Variants in BRINP1 observed in about 807,000 individuals in gnomAD.
The protein encoded by BRINP1 is BMP/retinoic acid inducible neural specific 1.
A neutral mutation model predicts 72.9 loss-of-function variants in BRINP1; 17 were observed. The observed-to-expected ratio is 0.23, with a 90% confidence interval of 0.16 to 0.35. The LOEUF (loss-of-function observed/expected upper bound fraction) is 0.35, where lower values mean the gene tolerates loss of function less well. BRINP1 is among the 10% of genes least tolerant of loss of function. The pLI is 1.00. For synonymous variants in BRINP1, 418 were observed against 378.5 expected, an observed-to-expected ratio of 1.10 and a Z score of -1.21; for missense variants, 850 against 1,001.6, an observed-to-expected ratio of 0.85 and a Z score of 2.04.
intron 2 of BRINP1, among the ~76,000 whole-genome samples, chr9:119,301,830 T>C (rs1407320634): frequency 6.6e-6 from 1 of 152,186 alleles, no homozygotes; most frequent in Non-Finnish European, 1.5e-5. Context: ...TAAATAAATA[T>C]GTATCTCAAA....
intron 1 of BRINP1, among the ~76,000 whole-genome samples, chr9:119,335,681 C>G (rs1831339451): frequency 6.6e-6 from 1 of 152,150 alleles, no homozygotes; most frequent in Admixed American, 6.6e-5. Context: ...TAATGGACAC[C>G]TATCTAATAT....
intron 7 of BRINP1, among the ~76,000 whole-genome samples, chr9:119,172,510 G>C (rs1450132228): frequency 6.6e-6 from 1 of 151,634 alleles, no homozygotes; most frequent in Non-Finnish European, 1.5e-5. Context: ...ACCAAAAAGA[G>C]TCCAGGACCA....
chr9:119,336,638 T>C (rs371869627), intron 1 of BRINP1, among the ~76,000 whole-genome samples: 2 of 152,006 alleles, frequency 1.3e-5, no homozygotes, highest in Admixed American at 6.5e-5. Context: ...AGCAGTCGTA[T>C]TGATTTGAAA....
At chr9:119,288,714 A>G (rs1396305711) in intron 2 of BRINP1, among the ~76,000 whole-genome samples, 1 of 152,214 alleles carries the variant, frequency 6.6e-6, no homozygotes. Context: ...GTAGGTGCTC[A>G]CTAAAAATAT....
At chr9:119,261,226 T>A (rs1308526238) in intron 2 of BRINP1, among the ~76,000 whole-genome samples, 1 of 152,218 alleles carries the variant, frequency 6.6e-6, no homozygotes, top group Non-Finnish European at 1.5e-5. Context: ...AAAGCGTTAT[T>A]GTTGTCCATT....
At chr9:119,242,601 T>C (rs985145436) in intron 3 of BRINP1, among the ~76,000 whole-genome samples, 1 of 152,164 alleles carries the variant, frequency 6.6e-6, no homozygotes, top group Non-Finnish European at 1.5e-5. Context: ...TGTCTCCTCA[T>C]TATCATGCAG....
At chr9:119,275,531 A>C (rs986517505) in intron 2 of BRINP1, among the ~76,000 whole-genome samples, 1 of 152,186 alleles carries the variant, frequency 6.6e-6, no homozygotes, top group East Asian at 1.9e-4. Context: ...GGGAGGTTTC[A>C]TGTACAGTCT....
At chr9:119,224,422 A>G (rs562545279) in intron 5 of BRINP1, among the ~76,000 whole-genome samples, 1 of 152,214 alleles carries the variant, frequency 6.6e-6, no homozygotes, top group South Asian at 2.1e-4. Context: ...TCTGTACTTA[A>G]TTCACCTCTT....
At chr9:119,171,627 C>T (rs1358784291) in intron 7 of BRINP1, among the ~76,000 whole-genome samples, 53 of 119,870 alleles carry the variant, frequency 4.4e-4, no homozygotes, top group African/African-American at 1.3e-3. Context: ...CTGCACCAAG[C>T]GGACCTAATA....
chr9:119,236,350 A>G (rs768826623), intron 5 of BRINP1, among the ~76,000 whole-genome samples: 1 of 152,190 alleles, frequency 6.6e-6, no homozygotes, highest in Non-Finnish European at 1.5e-5. Context: ...TTTGGAGAAC[A>G]TAAGTCTTAT....
intron 1 of BRINP1, among the ~76,000 whole-genome samples, chr9:119,346,532 A>G (rs1341436344): frequency 6.6e-6 from 1 of 152,180 alleles, no homozygotes; most frequent in Non-Finnish European, 1.5e-5. Context: ...TACTCTTCAA[A>G]TTTTGACACC....
intron 7 of BRINP1, among the ~76,000 whole-genome samples, chr9:119,170,869 T>G (rs891686428): frequency 4.1e-5 from 6 of 145,896 alleles, no homozygotes; most frequent in African/African-American, 1.4e-4. Context: ...GAATTTCATA[T>G]CCAGCCAAAC....
chr9:119,330,446 C>T (rs775421051), intron 1 of BRINP1, among the ~76,000 whole-genome samples: 1 of 152,158 alleles, frequency 6.6e-6, no homozygotes, highest in Admixed American at 6.5e-5. Flanking sequence ...TTCTTACTGT[C>T]CCTTGACAAT....
intron 1 of BRINP1, among the ~76,000 whole-genome samples, chr9:119,356,882 T>A (rs1304964167): frequency 6.6e-6 from 1 of 152,184 alleles, no homozygotes; most frequent in African/African-American, 2.4e-5. Context: ...AATATAGATT[T>A]CCACCAATGC....
At chr9:119,205,933 G>A (rs1314702678) in intron 7 of BRINP1, among the ~76,000 whole-genome samples, 1 of 152,060 alleles carries the variant, frequency 6.6e-6, no homozygotes, top group Non-Finnish European at 1.5e-5. Flanking sequence ...CTAAAGATCT[G>A]ATCAAAAGCT....
chr9:119,228,524 G>A (rs1421249613), intron 5 of BRINP1, among the ~76,000 whole-genome samples: 1 of 152,060 alleles, frequency 6.6e-6, no homozygotes, highest in African/African-American at 2.4e-5. Flanking sequence ...TAATCAAAGA[G>A]TTATAATGGG....
Position 119,309,810 on chromosome 9 carries a change from G to A in BRINP1, c.218+3328C>T, listed in dbSNP as rs140352551. On this transcript the variant is annotated intron_variant, in intron 2 of 7. Transcript: ENST00000265922. ...CTGAGCTGGGTGGAGGAGGGGGCGTGGGTTATGTGGGGATAGGAGGATATA... is the reference window on the plus strand; with the variant it reads ...CTGAGCTGGGTGGAGGAGGGGGCGTAGGTTATGTGGGGATAGGAGGATATA... Among the ~76,000 whole-genome samples, 821 of 152,202 alleles carry A rather than the reference G, an allele frequency of 5.4e-3. 3 individuals carry two copies. Among genetic ancestry groups the A allele is most frequent in the Non-Finnish European group, 9.3e-3 (634 of 67,998 alleles).
At chr9:119,223,357 C>T (rs1485518809) in intron 5 of BRINP1, among the ~76,000 whole-genome samples, 1 of 151,888 alleles carries the variant, frequency 6.6e-6, no homozygotes, top group Non-Finnish European at 1.5e-5. Context: ...ATAAATAGCA[C>T]TTGTGGAGCT....
chr9:119,250,747 A>G (rs1345237521), intron 2 of BRINP1, among the ~76,000 whole-genome samples: 1 of 152,204 alleles, frequency 6.6e-6, no homozygotes, highest in Admixed American at 6.5e-5. Context: ...CACAGTTCCC[A>G]CCAAAGATGC....
Sources: gnomAD v4.1 joint callset for allele counts (sites outside exome capture counted in the v4.1 genomes callset) on GRCh38, gnomAD v4.1.1 for gene constraint, MANE v1.5 for transcripts, NCBI Gene and HGNC (gene_info 2026-07-23, HGNC 2026-07-21) for gene names.